SLC16A10: variants seen among roughly 807,000 people sequenced by gnomAD.
The protein encoded by SLC16A10 is monocarboxylate transporter 10.
A neutral mutation model predicts 40.0 loss-of-function variants in SLC16A10; 27 were observed. The ratio of observed to expected loss-of-function variants is 0.67; its 90% CI spans 0.50 to 0.93. SLC16A10 has a LOEUF of 0.93. SLC16A10 is among the 40% of genes least tolerant of loss of function. The pLI, the probability that SLC16A10 is intolerant of heterozygous loss-of-function variation, is 0.00. For synonymous variants in SLC16A10, 213 were observed against 249.8 expected (o/e 0.85, Z 1.39); for missense variants, 529 against 658.2 (o/e 0.80, Z 2.15).
At chr6:111,196,532 G>A (rs1176206858) in intron 3 of SLC16A10, among the ~76,000 whole-genome samples, 1 of 151,972 alleles carries the variant, frequency 6.6e-6, no homozygotes, top group Non-Finnish European at 1.5e-5. Flanking sequence ...ATACAGGCTG[G>A]GCTCACTGGC....
intron 1 of SLC16A10, among the ~76,000 whole-genome samples, chr6:111,140,097 A>T (rs1771954642): frequency 6.6e-6 from 1 of 152,086 alleles, no homozygotes; most frequent in Non-Finnish European, 1.5e-5. Context: ...TGTACAACAA[A>T]CCCCTGTGAC....
chr6:111,167,271 T>C (rs927746104), intron 1 of SLC16A10, among the ~76,000 whole-genome samples: 3 of 152,204 alleles, frequency 2.0e-5, no homozygotes, highest in African/African-American at 2.4e-5. Flanking sequence ...GCACAAAGCA[T>C]CCTGCCTTTA....
chr6:111,183,077 G>T (rs182010614), intron 3 of SLC16A10, among the ~76,000 whole-genome samples: 4 of 152,168 alleles, frequency 2.6e-5, no homozygotes, highest in Admixed American at 6.5e-5. Flanking sequence ...TCCTTCAATG[G>T]CTTCCCATTT....
chr6:111,111,768 T>C (rs1771390636), intron 1 of SLC16A10, among the ~76,000 whole-genome samples: 1 of 152,194 alleles, frequency 6.6e-6, no homozygotes, highest in African/African-American at 2.4e-5. Context: ...TATTTGTCTT[T>C]CTGTACCTGG....
chr6:111,129,495 A>T (rs1324271126), intron 1 of SLC16A10, among the ~76,000 whole-genome samples: 1 of 152,272 alleles, frequency 6.6e-6, no homozygotes, highest in Non-Finnish European at 1.5e-5. Context: ...GTTACATGTT[A>T]TAAAGCCAGT....
At position 111,229,591 on chromosome 6, in the gene SLC16A10, G is replaced by C. The variant is rs934608827; in HGVS notation, c.*7356G>C. ...ACTTTCAGGCTAAAATCAGAGTTTT[G>C]AGAGTCATCAATCTTAAAACATGGA... On this transcript the variant is annotated 3_prime_UTR_variant, in exon 6 of 6. Transcript: ENST00000368851. 22 of 152,170 alleles carry C rather than the reference G, an allele frequency of 1.4e-4. No homozygotes were observed. Among genetic ancestry groups the C allele is most frequent in the African/African-American group, 5.1e-4 (21 of 41,428 alleles). The allele number at this position is 152,170 out of a possible 1,614,324, so 9.4% of individuals were successfully genotyped here.
intron 1 of SLC16A10, among the ~76,000 whole-genome samples, chr6:111,095,798 C>G (rs574101011): frequency 6.6e-6 from 1 of 152,206 alleles, no homozygotes; most frequent in African/African-American, 2.4e-5. Flanking sequence ...CTTTGCTCCT[C>G]TTTCACCTTC....
At chr6:111,141,105 A>G (rs1771974918) in intron 1 of SLC16A10, among the ~76,000 whole-genome samples, 1 of 152,224 alleles carries the variant, frequency 6.6e-6, no homozygotes, top group Admixed American at 6.5e-5. Flanking sequence ...TAATTCAATT[A>G]TTTAATATTT....
intron 1 of SLC16A10, among the ~76,000 whole-genome samples, chr6:111,169,942 A>C: frequency 7.4e-6 from 1 of 134,392 alleles, no homozygotes; most frequent in Non-Finnish European, 1.6e-5. Flanking sequence ...TTTGAGACAG[A>C]ATCTCACTCT....
At chr6:111,199,115 G>C (rs1043463869) in intron 3 of SLC16A10, among the ~76,000 whole-genome samples, 1 of 152,168 alleles carries the variant, frequency 6.6e-6, no homozygotes, top group African/African-American at 2.4e-5. Context: ...TCTGAGAATG[G>C]TAAGTCTGGT....
At chr6:111,219,598 G>A (rs1353030236) in intron 5 of SLC16A10, among the ~76,000 whole-genome samples, 2 of 151,278 alleles carry the variant, frequency 1.3e-5, no homozygotes, top group Non-Finnish European at 3.0e-5. Context: ...ATCCCCCTGA[G>A]GAGTAGTTGA....
At chr6:111,172,100 AAT>A (rs1772596666) in intron 1 of SLC16A10, among the ~76,000 whole-genome samples, 1 of 152,208 alleles carries the variant, frequency 6.6e-6, no homozygotes, top group African/African-American at 2.4e-5. Context: ...TCTAATCTTT[AAT>A]AATTCTAGAA....
chr6:111,089,905 T>TG (rs1344361558), intron 1 of SLC16A10, among the ~76,000 whole-genome samples: 1 of 115,610 alleles, frequency 8.6e-6, no homozygotes, highest in East Asian at 2.6e-4. Flanking sequence ...TGTCTGTGGG[T>TG]GGGTTTTTTT....
chr6:111,150,808 A>T (rs1445979573), intron 1 of SLC16A10, among the ~76,000 whole-genome samples: 10 of 152,220 alleles, frequency 6.6e-5, no homozygotes, highest in Non-Finnish European at 1.0e-4. Context: ...GATAGCAGCC[A>T]GGGAATTAAG....
intron 1 of SLC16A10, among the ~76,000 whole-genome samples, chr6:111,094,567 A>G (rs1333974689): frequency 6.6e-5 from 10 of 152,104 alleles, no homozygotes; most frequent in Non-Finnish European, 1.5e-4. Flanking sequence ...TTTTGTGTTT[A>G]CCTTCTTAAT....
chr6:111,122,280 G>A (rs1771598165), intron 1 of SLC16A10, among the ~76,000 whole-genome samples: 1 of 152,218 alleles, frequency 6.6e-6, no homozygotes, highest in Non-Finnish European at 1.5e-5. Context: ...CTTTAGTCTA[G>A]TCCACTTCTC....
At chr6:111,172,431 T>C (rs1208978912) in intron 1 of SLC16A10, among the ~76,000 whole-genome samples, 1 of 152,174 alleles carries the variant, frequency 6.6e-6, no homozygotes, top group Non-Finnish European at 1.5e-5. Flanking sequence ...TATTGTGAAA[T>C]ATAACATACC....
chr6:111,119,118 A>G (rs1185988738), intron 1 of SLC16A10, among the ~76,000 whole-genome samples: 1 of 152,206 alleles, frequency 6.6e-6, no homozygotes, highest in Admixed American at 6.5e-5. Context: ...TTTGAACTTA[A>G]TATCGCTGAC....
intron 4 of SLC16A10, 53 bp downstream of exon 4, chr6:111,206,788 G>A: frequency 6.4e-7 from 1 of 1,572,998 alleles, no homozygotes; most frequent in East Asian, 2.2e-5. Flanking sequence ...ATCACCCGAT[G>A]TCTCATTAAA....
Sources: allele counts gnomAD v4.1 joint callset (sites outside exome capture counted in the v4.1 genomes callset), GRCh38; gene constraint gnomAD v4.1.1; transcripts MANE v1.5; gene names NCBI Gene and HGNC (gene_info 2026-07-23, HGNC 2026-07-21).